DNAH12: variants seen among roughly 807,000 people sequenced by gnomAD.
DNAH12 encodes the protein dynein axonemal heavy chain 12, also known as axonemal beta dynein heavy chain 12.
Under a neutral mutation model 371.5 loss-of-function variants are expected in DNAH12, and 285 were observed. That is an observed-to-expected ratio of 0.77 (90% CI 0.70 to 0.85). The LOEUF (loss-of-function observed/expected upper bound fraction) is 0.85, where lower values mean the gene tolerates loss of function less well. Ranked by LOEUF, DNAH12 falls within the 40% of genes least tolerant of loss-of-function variation. DNAH12 has a pLI of 0.00. For missense variants in DNAH12, 3,611 were observed against 3,689.4 expected (o/e 0.98, Z 0.55); for synonymous variants, 1,200 against 1,213.0 (o/e 0.99, Z 0.22).
intron 65 of DNAH12, among the ~76,000 whole-genome samples, chr3:57,316,846 C>T (rs1301136817): frequency 7.2e-5 from 11 of 152,086 alleles, no homozygotes; most frequent in Non-Finnish European, 1.6e-4. Flanking sequence ...GTAAGTTTCC[C>T]GAGGCTTCCC....
intron 62 of DNAH12, among the ~76,000 whole-genome samples, chr3:57,325,201 C>T (rs541587750): frequency 1.3e-5 from 2 of 152,352 alleles, no homozygotes; most frequent in East Asian, 3.9e-4. Context: ...CCCTGTCTGA[C>T]AGCTTTGAAG....
Position 57,415,474 on chromosome 3 carries a change from A to C in DNAH12, c.5805T>G (p.Phe1935Leu). The C allele has an allele frequency of 3.2e-6, 5 of 1,551,282 alleles. No homozygotes were observed. Among genetic ancestry groups the C allele is most frequent in the Non-Finnish European group, 4.4e-6 (5 of 1,146,900 alleles). Residue 1935 changes from phenylalanine to leucine, a missense_variant, in exon 38 of 74, where the codon TTT becomes TTG. Transcript: ENST00000495027. Reference protein sequence around the residue: ...LMNHLEKDQYFPFYINLSART... With the variant: ...LMNHLEKDQYLPFYINLSART... ...GTGCAGATAAGTTAATATAAAAAGG[A>C]AAGTACTGGTCCTTTTCCAAGTGAT...
intron 32 of DNAH12, 71 bp downstream of exon 32, chr3:57,433,296 T>C (rs2065011421): frequency 4.8e-6 from 7 of 1,459,468 alleles, no homozygotes; most frequent in Non-Finnish European, 6.3e-6. Flanking sequence ...AATAGAGTCC[T>C]AGTTTAGTTG....
At chr3:57,464,515 C>A (rs1326014198) in intron 17 of DNAH12, among the ~76,000 whole-genome samples, 1 of 152,102 alleles carries the variant, frequency 6.6e-6, no homozygotes, top group Non-Finnish European at 1.5e-5. Context: ...AAACTCTAAG[C>A]AAATATATCC....
intron 39 of DNAH12, among the ~76,000 whole-genome samples, chr3:57,413,237 T>C (rs2064261095): frequency 6.6e-6 from 1 of 152,162 alleles, no homozygotes; most frequent in African/African-American, 2.4e-5. Flanking sequence ...TGAAAATGGT[T>C]AAACTATAGA....
At chr3:57,446,786 T>C (rs2065514848) in intron 25 of DNAH12, 97 bp from the exon 26 acceptor site, 1 of 1,185,844 alleles carries the variant, frequency 8.4e-7, no homozygotes, top group African/African-American at 1.5e-5. Context: ...TTCTGTAGCT[T>C]CAGAGAAGCC....
At chr3:57,310,414 G>GT (rs916850759) in intron 67 of DNAH12, among the ~76,000 whole-genome samples, 1 of 152,234 alleles carries the variant, frequency 6.6e-6, no homozygotes, top group South Asian at 2.1e-4. Context: ...CTGCTAATTT[G>GT]TTTTTTGTCA....
chr3:57,491,093 A>AAAAAAAAC (rs2153385936), intron 11 of DNAH12, among the ~76,000 whole-genome samples: 1 of 147,386 alleles, frequency 6.8e-6, no homozygotes, highest in Admixed American at 6.9e-5. Context: ...AAAAAAAAAA[A>AAAAAAAAC]AAAAAAAACA....
In DNAH12 at chr3:57,309,133, G is replaced by T; in HGVS notation, c.11189+18C>A. 1 of 1,477,586 alleles carries T rather than the reference G, an allele frequency of 6.8e-7. No individual in the cohort carries two copies. Among genetic ancestry groups the T allele is most frequent in the Non-Finnish European group, 9.1e-7 (1 of 1,099,964 alleles). The allele number at this position is 1,477,586 out of a possible 1,614,324, so 91.5% of individuals were successfully genotyped here. ...GAAGACAGTTGCCTTCTGAATCACT[G>T]GGGATATAGATCCTTACTTGTTAAA... is the stretch of plus-strand genomic sequence containing the variant. On this transcript the variant is annotated intron_variant, in intron 69 of 73. Coordinates refer to ENST00000495027, the MANE Select transcript of DNAH12 (RefSeq NM_001366028.2).
chr3:57,389,563 G>A (rs1317763571), intron 45 of DNAH12, among the ~76,000 whole-genome samples: 1 of 151,778 alleles, frequency 6.6e-6, no homozygotes, highest in Non-Finnish European at 1.5e-5. Context: ...CATGATGACT[G>A]CTGCAGCTAT....
chr3:57,489,786 CTT>C, intron 11 of DNAH12, 99 bp from the exon 12 acceptor site: 1 of 1,204,578 alleles, frequency 8.3e-7, no homozygotes, highest in Non-Finnish European at 1.1e-6. Flanking sequence ...ATAAATACAA[CTT>C]TATTTCTTTT....
intron 2 of DNAH12, among the ~76,000 whole-genome samples, chr3:57,534,523 T>TC (rs1475720467): frequency 6.7e-6 from 1 of 150,110 alleles, no homozygotes; most frequent in East Asian, 1.9e-4. Context: ...TTTTTTTTTT[T>TC]TTTTGAGACA....
intron 29 of DNAH12, among the ~76,000 whole-genome samples, chr3:57,439,944 C>T (rs535884511): frequency 6.6e-6 from 1 of 152,144 alleles, no homozygotes; most frequent in East Asian, 1.9e-4. Context: ...CATCACTAAT[C>T]GTCAGAGAAA....
chr3:57,537,249 A>C (rs1339605623), intron 2 of DNAH12, among the ~76,000 whole-genome samples: 1 of 152,232 alleles, frequency 6.6e-6, no homozygotes, highest in Non-Finnish European at 1.5e-5. Context: ...AAACTAAAAA[A>C]TTTTGTAATA....
rs1009137886 is a variant in DNAH12 at position 57,459,722 on chromosome 3, T to G, written c.2801A>C (p.Gln934Pro). 4 of 1,545,714 alleles carry G rather than the reference T, an allele frequency of 2.6e-6. No homozygotes were observed. The highest frequency in any genetic ancestry group is 3.5e-6 in the Non-Finnish European group (4 of 1,143,096). ...TIDEWLKVQAQWLYLEPIFCS... is the reference protein window; with the variant it reads ...TIDEWLKVQAPWLYLEPIFCS... ...AAAGATGGGCTCTAAGTACAGCCAT[T>G]GAGCTTGTACTTTTAACCATTCATC... is the stretch of plus-strand genomic sequence containing the variant. Residue 934 changes from glutamine to proline, a missense_variant, in exon 20 of 74, where the codon CAA (glutamine) becomes CCA (proline). Around this residue, in one of 3 missense-constraint regions of DNAH12, gnomAD observed 1,314 missense variants for 1,398.7 expected, o/e 0.94. Coordinates refer to ENST00000495027, the MANE Select transcript of DNAH12 (RefSeq NM_001366028.2).
intron 20 of DNAH12, 105 bp from the exon 21 acceptor site, chr3:57,458,325 T>A: frequency 7.7e-7 from 1 of 1,301,120 alleles, no homozygotes; most frequent in Non-Finnish European, 9.9e-7. Flanking sequence ...GTTAAAAGGT[T>A]TATGAAAAAA....
chr3:57,330,980 T>C (rs190893511), intron 62 of DNAH12, among the ~76,000 whole-genome samples: 1 of 152,202 alleles, frequency 6.6e-6, no homozygotes, highest in Non-Finnish European at 1.5e-5. Context: ...CTGAATAATA[T>C]AGGCTTTAAT....
intron 11 of DNAH12, among the ~76,000 whole-genome samples, chr3:57,492,097 A>T (rs2067147505): frequency 6.6e-6 from 1 of 152,010 alleles, no homozygotes; most frequent in Non-Finnish European, 1.5e-5. Flanking sequence ...AGGAACTTGA[A>T]GCTGCATTGA....
At chr3:57,405,258 T>C in intron 41 of DNAH12, 111 bp from the exon 42 acceptor site, 1 of 932,074 alleles carries the variant, frequency 1.1e-6, no homozygotes, top group Non-Finnish European at 1.5e-6. Flanking sequence ...TTTTAAACAT[T>C]AGGGTAGTAA....
Sources: gnomAD v4.1 joint callset for allele counts (sites outside exome capture counted in the v4.1 genomes callset) on GRCh38, gnomAD v4.1.1 for gene constraint, gnomAD v4.1.1 regional missense constraint, MANE v1.5 for transcripts, NCBI Gene and HGNC (gene_info 2026-07-23, HGNC 2026-07-21) for gene names.